The following FARS2 variants were observed in gnomAD, a reference collection of about 807,000 sequenced individuals.
FARS2 encodes the protein phenylalanyl-tRNA synthetase 2, mitochondrial.
In FARS2, 40 loss-of-function variants were observed where a neutral mutation model predicts 46.4. The observed-to-expected ratio is 0.86, with a 90% CI of 0.67 to 1.12. The LOEUF (loss-of-function observed/expected upper bound fraction) is 1.12. Among genes scored for constraint, FARS2 ranks in the 50% most tolerant of loss-of-function variants. The probability of loss-of-function intolerance (pLI) is 0.00; values close to 1 mark genes in which losing one functional copy is unlikely to be tolerated. For missense variants in FARS2, 513 were observed against 567.9 expected, an observed-to-expected ratio of 0.90 and a Z score of 0.98; for synonymous variants, 234 against 214.9, an observed-to-expected ratio of 1.09 and a Z score of -0.78.
At chr6:5,324,443 CTTTT>C (rs745311767) in intron 1 of FARS2, among the ~76,000 whole-genome samples, 2 of 88,286 alleles carry the variant, frequency 2.3e-5, no homozygotes, top group African/African-American at 4.3e-5. Flanking sequence ...AGACTATTTG[CTTTT>C]TTTTTTTTTT....
intron 2 of FARS2, among the ~76,000 whole-genome samples, chr6:5,402,219 A>C (rs1042371480): frequency 6.3e-5 from 9 of 143,852 alleles, no homozygotes; most frequent in South Asian, 2.2e-4. Context: ...AGATGATTTT[A>C]TTTCTTTTTT....
At chr6:5,628,067 A>C (rs759355439) in intron 6 of FARS2, among the ~76,000 whole-genome samples, 1 of 152,354 alleles carries the variant, frequency 6.6e-6, no homozygotes, top group Non-Finnish European at 1.5e-5. Flanking sequence ...ATCCTATACA[A>C]AATACAGTTT....
At chr6:5,394,589 G>T (rs1021475724) in intron 2 of FARS2, among the ~76,000 whole-genome samples, 1 of 152,034 alleles carries the variant, frequency 6.6e-6, no homozygotes, top group Non-Finnish European at 1.5e-5. Context: ...AACTATGAAG[G>T]TTTTATTACT....
At chr6:5,423,419 G>T (rs962689996) in intron 3 of FARS2, among the ~76,000 whole-genome samples, 5 of 152,058 alleles carry the variant, frequency 3.3e-5, no homozygotes, top group Non-Finnish European at 7.4e-5. Context: ...CCAAGCACTA[G>T]TCAAAAGGAT....
intron 1 of FARS2, among the ~76,000 whole-genome samples, chr6:5,331,896 A>G (rs1770823320): frequency 6.6e-6 from 1 of 152,176 alleles, no homozygotes; most frequent in African/African-American, 2.4e-5. Flanking sequence ...TATGATTTCC[A>G]AGAGAACTTG....
chr6:5,450,294 A>G (rs1052972626), intron 4 of FARS2, among the ~76,000 whole-genome samples: 5 of 151,798 alleles, frequency 3.3e-5, no homozygotes, highest in African/African-American at 1.2e-4. Flanking sequence ...GACTTGGGGA[A>G]GCTTTCAGAA....
chr6:5,363,469 CTCT>C (rs896400380), intron 1 of FARS2, among the ~76,000 whole-genome samples: 1 of 151,692 alleles, frequency 6.6e-6, no homozygotes, highest in African/African-American at 2.4e-5. Flanking sequence ...CTTCCTATTT[CTCT>C]TCTTCCCGCG....
intron 6 of FARS2, among the ~76,000 whole-genome samples, chr6:5,693,947 C>G (rs1424545946): frequency 6.6e-6 from 1 of 152,204 alleles, no homozygotes; most frequent in African/African-American, 2.4e-5. Flanking sequence ...AGCATCATTT[C>G]CACCGCCCTC....
chr6:5,740,361 G>T (rs894793042), intron 6 of FARS2, among the ~76,000 whole-genome samples: 1 of 152,154 alleles, frequency 6.6e-6, no homozygotes, highest in African/African-American at 2.4e-5. Context: ...TGCCTTGATG[G>T]TTTTTTGAAA....
At position 5,736,021 on chromosome 6, in the gene FARS2, G is replaced by A. The variant is rs528969959; in HGVS notation, c.1218-35270G>A. Among the ~76,000 whole-genome samples, 3 of 152,346 alleles carry A rather than the reference G, an allele frequency of 2.0e-5. No individual in the cohort carries two copies. In the South Asian group the frequency reaches 6.2e-4, roughly 32 times the overall value. On this transcript the variant is annotated intron_variant, in intron 6 of 6. Coordinates refer to ENST00000274680, the MANE Select transcript of FARS2 (RefSeq NM_006567.5). ...CCCCCAAAACAGAGGGGCTTGGCAG[G>A]TTGATTCTGGCTGTCGATTTCTCAC...
At chr6:5,754,700 G>C (rs1006684188) in intron 6 of FARS2, among the ~76,000 whole-genome samples, 14 of 152,170 alleles carry the variant, frequency 9.2e-5, no homozygotes, top group African/African-American at 3.4e-4. Context: ...GGGTATAATT[G>C]ATGTAGGTTG....
At chr6:5,332,107 C>T (rs34726260) in intron 1 of FARS2, among the ~76,000 whole-genome samples, 2,661 of 152,208 alleles carry the variant, frequency 0.017, 36 homozygotes, top group Middle Eastern at 0.068. Context: ...TTTGCCCAAG[C>T]CTCAGGTTAA....
chr6:5,276,685 C>A (rs1408375197), intron 1 of FARS2, among the ~76,000 whole-genome samples: 1 of 152,142 alleles, frequency 6.6e-6, no homozygotes, highest in Non-Finnish European at 1.5e-5. Flanking sequence ...ACTCTGGGTC[C>A]CCAAACTGAT....
At chr6:5,614,575 A>AATTTTTTTGT (rs1561753480) in intron 6 of FARS2, among the ~76,000 whole-genome samples, 1 of 151,974 alleles carries the variant, frequency 6.6e-6, no homozygotes, top group Non-Finnish European at 1.5e-5. Flanking sequence ...GCCCCCGGCT[A>AATTTTTTTGT]ATTTTTTTGT....
intron 5 of FARS2, among the ~76,000 whole-genome samples, chr6:5,605,295 C>T (rs184018532): frequency 1.5e-5 from 1 of 68,764 alleles, no homozygotes; most frequent in Admixed American, 1.7e-4. Context: ...ACTAAATGTG[C>T]CAGGCCAGAG....
intron 3 of FARS2, among the ~76,000 whole-genome samples, chr6:5,414,817 T>G (rs950703850): frequency 7.3e-6 from 1 of 136,342 alleles, no homozygotes; most frequent in African/African-American, 2.7e-5. Flanking sequence ...GACTGTTTTT[T>G]TTTTTTTTTT....
intron 1 of FARS2, among the ~76,000 whole-genome samples, chr6:5,299,210 G>GT (rs1768110694): frequency 6.6e-6 from 1 of 152,196 alleles, no homozygotes. Flanking sequence ...GTAGACATCT[G>GT]TGCTGATATT....
At chr6:5,254,757 T>G in the FARS2 span, among the ~76,000 whole-genome samples, 1 of 152,174 alleles carries the variant, frequency 6.6e-6, no homozygotes, top group African/African-American at 2.4e-5. Flanking sequence ...ATTCCACTCA[T>G]GTAAAATGAA....
intron 6 of FARS2, among the ~76,000 whole-genome samples, chr6:5,672,784 T>A (rs745617869): frequency 6.6e-6 from 1 of 152,178 alleles, no homozygotes; most frequent in African/African-American, 2.4e-5. Context: ...ATGATGAAGC[T>A]AAGTTTGGTT....
Sources: gnomAD v4.1 joint callset for allele counts (sites outside exome capture counted in the v4.1 genomes callset) on GRCh38, gnomAD v4.1.1 for gene constraint, MANE v1.5 for transcripts, NCBI Gene and HGNC (gene_info 2026-07-23, HGNC 2026-07-21) for gene names.